DHX29: variants seen among roughly 807,000 people sequenced by gnomAD.
DHX29 encodes the protein ATP-dependent RNA helicase DHX29.
In DHX29, 79 loss-of-function variants were observed where a neutral mutation model predicts 167.9. The observed-to-expected ratio is 0.47, with a 90% confidence interval of 0.39 to 0.57. The LOEUF (loss-of-function observed/expected upper bound fraction) is 0.57. Among genes scored for constraint, DHX29 ranks in the 20% least tolerant of loss-of-function variants. The probability of loss-of-function intolerance (pLI) is 0.00; values close to 1 mark genes in which losing one functional copy is unlikely to be tolerated. For missense variants in DHX29, 1,347 were observed against 1,593.4 expected (o/e 0.85, Z 2.63); for synonymous variants, 530 against 546.0 (o/e 0.97, Z 0.41).
intron 12 of DHX29, among the ~76,000 whole-genome samples, chr5:55,277,679 G>A (rs993763571): frequency 6.6e-6 from 1 of 152,050 alleles, no homozygotes; most frequent in Non-Finnish European, 1.5e-5. Context: ...GCCGACGCGG[G>A]CGGATAACCT....
At chr5:55,256,951 G>A (rs1041888583) in intron 26 of DHX29, among the ~76,000 whole-genome samples, 1 of 152,128 alleles carries the variant, frequency 6.6e-6, no homozygotes, top group African/African-American at 2.4e-5. Flanking sequence ...TTCAGAGTAT[G>A]GCAGAATTTC....
intron 4 of DHX29, among the ~76,000 whole-genome samples, 158 bp from the exon 5 acceptor site, chr5:55,295,682 G>A (rs764915376): frequency 3.3e-5 from 5 of 152,072 alleles, no homozygotes; most frequent in Admixed American, 1.3e-4. Flanking sequence ...GATGAACCTG[G>A]TTTTATCCGT....
intron 3 of DHX29, among the ~76,000 whole-genome samples, chr5:55,296,791 A>G (rs1748346024): frequency 6.6e-6 from 1 of 151,874 alleles, no homozygotes; most frequent in Non-Finnish European, 1.5e-5. Flanking sequence ...TTTTTTTATT[A>G]CAAGCTGTGC....
intron 9 of DHX29, 137 bp downstream of exon 9, chr5:55,285,559 T>G: frequency 8.1e-7 from 1 of 1,228,600 alleles, no homozygotes; most frequent in South Asian, 1.6e-5. Context: ...TGATAATCTA[T>G]CAGACAATAA....
chr5:55,301,487 G>C (rs974437068), intron 1 of DHX29, among the ~76,000 whole-genome samples: 2 of 152,058 alleles, frequency 1.3e-5, no homozygotes, highest in Non-Finnish European at 2.9e-5. Context: ...GCCAAGGCAG[G>C]TGGATCACCT....
chr5:55,294,137 C>G lies in DHX29; in HGVS notation c.660G>C (p.Lys220Asn), dbSNP rs369036829. The change falls in exon 6 of 27, where the codon AAG (lysine) becomes AAC (asparagine). Residue 220 changes from lysine to asparagine, a missense_variant. Coordinates refer to ENST00000251636, the MANE Select transcript of DHX29 (RefSeq NM_019030.4). ...YEEDPKSKPK[K>N]EEKNMEVNMK... ...TATTTACTTCCATATTTTTTTCTTC[C>G]TTTTTTGGCTAGAAAGAGAAAACAA... 1 of 1,586,162 alleles carries G rather than the reference C, an allele frequency of 6.3e-7. No homozygotes were observed. Among genetic ancestry groups the G allele is most frequent in the African/African-American group, 1.4e-5 (1 of 73,564 alleles).
intron 4 of DHX29, 148 bp downstream of exon 4, chr5:55,296,072 T>C: frequency 1.2e-6 from 1 of 862,424 alleles, no homozygotes; most frequent in South Asian, 3.1e-5. Context: ...CTAAGGAAAA[T>C]ATCCTGAAAA....
intron 3 of DHX29, among the ~76,000 whole-genome samples, chr5:55,296,913 C>T (rs1325047080): frequency 6.6e-6 from 1 of 152,092 alleles, no homozygotes; most frequent in Non-Finnish European, 1.5e-5. Context: ...TTACTAGTAA[C>T]CTTAGGGTAT....
At chr5:55,294,242 A>C in intron 5 of DHX29, 97 bp from the exon 6 acceptor site, 1 of 1,226,658 alleles carries the variant, frequency 8.2e-7, no homozygotes, top group Middle Eastern at 2.0e-4. Context: ...ACTCAAAAGC[A>C]GCAGACATAT....
chr5:55,256,664 C>A, intron 26 of DHX29, 124 bp from the exon 27 acceptor site: 1 of 710,646 alleles, frequency 1.4e-6, no homozygotes. Context: ...AGAATTAACA[C>A]CAGTAATAAA....
In DHX29 at chr5:55,290,435, TA is replaced by T. The variant is rs144144498; in HGVS notation, c.781-92del. On this transcript the variant is annotated intron_variant, in intron 6 of 26. Coordinates refer to ENST00000251636, the MANE Select transcript of DHX29 (RefSeq NM_019030.4). ...CAATAAACTGTATCAAAATCTGTGATATTTTTACCTTATCCTTTGATCCAGC... is the reference window on the plus strand; with the variant it reads ...CAATAAACTGTATCAAAATCTGTGATTTTTTACCTTATCCTTTGATCCAGC... 7.8e-3 allele frequency: 10,775 copies of T among 1,376,506 alleles called. 49 individuals carry two copies. The highest frequency in any genetic ancestry group is 9.2e-3 in the Non-Finnish European group (9,545 of 1,036,880). 85.3% of individuals were successfully genotyped at this position (1,376,506 alleles called of 1,614,324 possible).
intron 23 of DHX29, among the ~76,000 whole-genome samples, chr5:55,265,670 TAAA>T (rs11362570): frequency 7.0e-6 from 1 of 143,480 alleles, no homozygotes; most frequent in African/African-American, 2.5e-5. Context: ...GAACTAGCTG[TAAA>T]AAAAAAAAAA....
chr5:55,284,942 G>A (rs1244417313), intron 10 of DHX29, among the ~76,000 whole-genome samples: 1 of 152,188 alleles, frequency 6.6e-6, no homozygotes, highest in Admixed American at 6.5e-5. Context: ...GCTGAGGCAG[G>A]AGGATCACTT....
chr5:55,307,650 C>T lies in DHX29; in HGVS notation c.-77G>A. 1.3e-6 allele frequency: 2 copies of T among 1,546,682 alleles called. No homozygotes were observed. Among genetic ancestry groups the T allele is most frequent in the South Asian group, 2.3e-5 (2 of 86,820 alleles). ...TGCACAGCCGAGAGCTCTTCACATT[C>T]CCCGGCTCCGGGGCTGCCACCCTGC... On this transcript the variant is annotated 5_prime_UTR_variant, in exon 1 of 27. Transcript: ENST00000251636.
chr5:55,304,813 A>C (rs1748782668), intron 1 of DHX29, among the ~76,000 whole-genome samples: 1 of 152,232 alleles, frequency 6.6e-6, no homozygotes, highest in Admixed American at 6.5e-5. Context: ...GTCAAATTGG[A>C]AAGATAAGGA....
chr5:55,302,590 A>C (rs940572513), intron 1 of DHX29, among the ~76,000 whole-genome samples: 35 of 136,836 alleles, frequency 2.6e-4, no homozygotes, highest in Non-Finnish European at 4.8e-4. Context: ...GAGTGACCCT[A>C]TCAAAAAAAA....
At chr5:55,302,578 CAG>C (rs973112530) in intron 1 of DHX29, among the ~76,000 whole-genome samples, 5 of 128,208 alleles carry the variant, frequency 3.9e-5, no homozygotes, top group African/African-American at 1.5e-4. Flanking sequence ...CACTGGGCGA[CAG>C]AGTGACCCTA....
In DHX29 at chr5:55,261,487, T is replaced by C; in HGVS notation, c.3841A>G (p.Arg1281Gly). Residue 1281 changes from arginine (R) to glycine (G), a missense_variant, in exon 25 of 27, where the codon AGA (arginine) becomes GGA (glycine). Physicochemically the swap from Arg to Gly is moderately radical, Grantham distance 125. Around this residue, in one of 3 missense-constraint regions of DHX29, gnomAD observed 882 missense variants for 1,082.4 expected, o/e 0.81. Coordinates refer to ENST00000251636, the MANE Select transcript of DHX29 (RefSeq NM_019030.4). ...AGGGTAGTTTCTCTCAAATACACTC[T>C]GGCATACCTTATCTACATGGGAAAA... Reference protein sequence around the residue: ...LLYQEKIRYARVYLRETTLIT... With the variant: ...LLYQEKIRYAGVYLRETTLIT... 6.4e-7 allele frequency: 1 copy of C among 1,571,848 alleles called. No homozygotes were observed. The highest frequency in any genetic ancestry group is 2.3e-5 in the East Asian group (1 of 44,434).
rs536038830 is a variant in DHX29 at position 55,294,093 on chromosome 5, C to T, written c.704G>A (p.Arg235Gln). 12 of 1,605,800 alleles carry T rather than the reference C, an allele frequency of 7.5e-6. No homozygotes were observed. Among genetic ancestry groups the T allele is most frequent in the African/African-American group, 4.0e-5 (3 of 74,758 alleles). Residue 235 changes from arginine (R) to glutamine (Q), a missense_variant, in exon 6 of 27, where the codon CGA becomes CAA. By Grantham distance (43) the Arg-to-Gln change is conservative (BLOSUM62 1). Coordinates refer to ENST00000251636, the MANE Select transcript of DHX29 (RefSeq NM_019030.4). ...TTCTTCATTTTGTTGTTCAGCATAT[C>T]GTAAAATCCACTCTTTCATATTTAC... ...MEVNMKEWILRYAEQQNEEEK... is the reference protein window; with the variant it reads ...MEVNMKEWILQYAEQQNEEEK...
Sources: allele counts gnomAD v4.1 joint callset (sites outside exome capture counted in the v4.1 genomes callset), GRCh38; gene constraint gnomAD v4.1.1; regional missense constraint gnomAD v4.1.1; transcripts MANE v1.5; gene names NCBI Gene and HGNC (gene_info 2026-07-23, HGNC 2026-07-21).